Variants in TMEM232 observed in about 807,000 individuals in gnomAD.
The protein encoded by TMEM232 is transmembrane protein 232.
Under a neutral mutation model 78.8 loss-of-function variants are expected in TMEM232, and 80 were observed. The observed-to-expected ratio is 1.01, with a 90% CI of 0.85 to 1.22. The LOEUF is 1.22. Among genes scored for constraint, TMEM232 ranks in the 50% most tolerant of loss-of-function variants. TMEM232 has a pLI of 0.00. For synonymous variants in TMEM232, 297 were observed against 254.3 expected (o/e 1.17, Z -1.60); for missense variants, 881 against 742.2 (o/e 1.19, Z -2.17).
chr5:110,502,713 C>T (rs916013571), intron 12 of TMEM232, among the ~76,000 whole-genome samples: 1 of 152,150 alleles, frequency 6.6e-6, no homozygotes, highest in Non-Finnish European at 1.5e-5. Context: ...AGCCACATTG[C>T]CCACGTTTTT....
intron 12 of TMEM232, among the ~76,000 whole-genome samples, chr5:110,483,208 G>A (rs1764082123): frequency 1.3e-5 from 2 of 152,042 alleles, no homozygotes; most frequent in South Asian, 2.1e-4. Context: ...CAAAGAATGT[G>A]TGCACTGTTG....
chr5:110,409,972 T>C (rs564749399), intron 2 of TMEM232, among the ~76,000 whole-genome samples: 271 of 152,308 alleles, frequency 1.8e-3, no homozygotes, highest in African/African-American at 6.1e-3. Flanking sequence ...AAGTCCCACA[T>C]TGCTGATGTC....
chr5:110,605,118 A>G lies in TMEM232; in HGVS notation c.1267T>C (p.Ser423Pro). ...SLLEYFSSKM[S>P]ENCDQVVWTG... The stretch of plus-strand genomic sequence containing the variant: ...AAAACAATCTACTTACAGTTCTCTG[A>G]CATTTTTGAAGAGAAATATTCCAAA... Residue 423 changes from serine (S) to proline (P), a missense_variant, in exon 10 of 14, where the codon TCA (serine) becomes CCA (proline). Physicochemically the swap from Ser to Pro is moderately conservative, Grantham distance 74. Coordinates refer to ENST00000455884, the MANE Select transcript of TMEM232 (RefSeq NM_001039763.4). 1 of 1,541,550 alleles carries G rather than the reference A, an allele frequency of 6.5e-7. No homozygotes were observed. The highest frequency in any genetic ancestry group is 1.4e-5 in the African/African-American group (1 of 72,500).
At chr5:110,429,013 G>GCTGA (rs1757543405) in intron 12 of TMEM232, among the ~76,000 whole-genome samples, 1 of 151,854 alleles carries the variant, frequency 6.6e-6, no homozygotes, top group African/African-American at 2.4e-5. Flanking sequence ...GTGAAGAGGA[G>GCTGA]CTGACTAATT....
At chr5:110,606,544 T>G (rs1781563844) in intron 8 of TMEM232, among the ~76,000 whole-genome samples, 1 of 151,970 alleles carries the variant, frequency 6.6e-6, no homozygotes, top group Non-Finnish European at 1.5e-5. Flanking sequence ...TAATCACATT[T>G]CTTCATAGAT....
In TMEM232 at chr5:110,404,140, T is replaced by C. The variant is rs548414979; in HGVS notation, n.309-6286A>G. On this transcript the variant is annotated intron_variant and non_coding_transcript_variant, in intron 2 of 8. Transcript: ENST00000507188. ...ATTTCAAAATGAAATATGGCCAATTTGATGTATAAATTTAATTTTGACATT... is the reference window on the plus strand; with the variant it reads ...ATTTCAAAATGAAATATGGCCAATTCGATGTATAAATTTAATTTTGACATT... Among the ~76,000 whole-genome samples the C allele has an allele frequency of 3.3e-5, 5 of 152,220 alleles. No homozygotes were observed. In the East Asian group the frequency reaches 9.7e-4, roughly 29 times the overall value.
At chr5:110,453,603 A>C (rs1034895258) in intron 12 of TMEM232, among the ~76,000 whole-genome samples, 1 of 152,080 alleles carries the variant, frequency 6.6e-6, no homozygotes, top group Non-Finnish European at 1.5e-5. Flanking sequence ...TACCTTTAAA[A>C]CTTGATAGTA....
intron 12 of TMEM232, among the ~76,000 whole-genome samples, chr5:110,485,501 T>C (rs148586505): frequency 0.021 from 3,206 of 152,196 alleles, 80 homozygotes; most frequent in African/African-American, 0.06. Flanking sequence ...ATTGTATCAT[T>C]CTTATGCTTT....
At chr5:110,586,302 C>G (rs151326211) in intron 10 of TMEM232, among the ~76,000 whole-genome samples, 2,806 of 151,958 alleles carry the variant, frequency 0.018, 32 homozygotes, top group Admixed American at 0.024. Context: ...ATATCTTTTA[C>G]AATTTGTGAT....
intron 1 of TMEM232, among the ~76,000 whole-genome samples, chr5:110,697,814 T>C (rs1321006080): frequency 1.3e-5 from 2 of 151,222 alleles, no homozygotes; most frequent in African/African-American, 2.4e-5. Flanking sequence ...CCTAGAGAAA[T>C]AGGGACACTT....
At chr5:110,623,746 C>T (rs537408693) in intron 7 of TMEM232, among the ~76,000 whole-genome samples, 59 of 151,960 alleles carry the variant, frequency 3.9e-4, no homozygotes, top group Non-Finnish European at 7.1e-4. Flanking sequence ...CTTTATATTA[C>T]GAGATAAGAG....
chr5:110,734,799 A>G (rs1345169558), intron 2 of TMEM232: 2 of 152,134 alleles, frequency 1.3e-5, no homozygotes, highest in African/African-American at 4.8e-5. Flanking sequence ...GAAAACAAAA[A>G]CACCTCTATT....
intron 11 of TMEM232, among the ~76,000 whole-genome samples, chr5:110,533,307 G>A (rs1043477278): frequency 6.6e-6 from 1 of 152,106 alleles, no homozygotes; most frequent in African/African-American, 2.4e-5. Context: ...TGCTCTCCCT[G>A]CTGATCGTGT....
intron 3 of TMEM232, among the ~76,000 whole-genome samples, chr5:110,394,031 T>C (rs925960497): frequency 2.6e-5 from 4 of 151,520 alleles, no homozygotes; most frequent in Admixed American, 2.0e-4. Flanking sequence ...AAATACTAGA[T>C]CTTATTAATT....
At chr5:110,483,978 T>C (rs776768791) in intron 12 of TMEM232, among the ~76,000 whole-genome samples, 1 of 152,132 alleles carries the variant, frequency 6.6e-6, no homozygotes, top group Admixed American at 6.6e-5. Flanking sequence ...ACTATGCAAC[T>C]ATAATAAGGA....
chr5:110,700,796 A>G (rs1795350598), intron 1 of TMEM232, among the ~76,000 whole-genome samples: 1 of 150,656 alleles, frequency 6.6e-6, no homozygotes, highest in African/African-American at 2.5e-5. Flanking sequence ...GTAGATAGAT[A>G]GATAGATAGA....
At chr5:110,560,072 A>C (rs1183614715) in intron 11 of TMEM232, among the ~76,000 whole-genome samples, 3 of 152,176 alleles carry the variant, frequency 2.0e-5, no homozygotes, top group Non-Finnish European at 2.9e-5. Flanking sequence ...TCCAAATATG[A>C]TTCATATTCT....
intron 1 of TMEM232, among the ~76,000 whole-genome samples, chr5:110,667,890 T>C (rs966011733): frequency 1.3e-5 from 2 of 152,102 alleles, no homozygotes; most frequent in Non-Finnish European, 2.9e-5. Context: ...ATTTAGATAG[T>C]GCTTTCTCTG....
chr5:110,587,703 G>A lies in TMEM232; in HGVS notation c.1276+17406C>T, dbSNP rs1232095951. Among the ~76,000 whole-genome samples, 526 of 105,668 alleles carry A rather than the reference G, an allele frequency of 5.0e-3. 2 individuals carry two copies. Among genetic ancestry groups the A allele is most frequent in the African/African-American group, 0.018 (436 of 23,886 alleles). The allele number at this position is 105,668 out of a possible 152,430, so 69.3% of individuals were successfully genotyped here. ...TATATATATATATATGTGTGTGTGT[G>A]TGTGTGTGTGTGTGTGTGTGTGTGT... is the stretch of plus-strand genomic sequence containing the variant. On this transcript the variant is annotated intron_variant, in intron 10 of 13. Transcript: ENST00000455884.
Sources: gnomAD v4.1 joint callset for allele counts (sites outside exome capture counted in the v4.1 genomes callset) on GRCh38, gnomAD v4.1.1 for gene constraint, MANE v1.5 for transcripts, NCBI Gene and HGNC (gene_info 2026-07-23, HGNC 2026-07-21) for gene names.